Variants in PTPRO observed in about 807,000 individuals in gnomAD.
The protein encoded by PTPRO is protein tyrosine phosphatase receptor type O.
PTPRO carries 62 observed loss-of-function variants against 145.2 expected under a neutral mutation model. The ratio of observed to expected loss-of-function variants is 0.43; its 90% CI spans 0.35 to 0.53. PTPRO has a LOEUF of 0.53. Ranked by LOEUF, PTPRO falls within the 20% of genes least tolerant of loss-of-function variation. The pLI is 0.01. For missense variants in PTPRO, 1,345 were observed against 1,482.7 expected (o/e 0.91, Z 1.53); for synonymous variants, 565 against 514.7 (o/e 1.10, Z -1.32).
intron 1 of PTPRO, among the ~76,000 whole-genome samples, chr12:15,328,550 A>G (rs1342021996): frequency 6.6e-6 from 1 of 152,194 alleles, no homozygotes; most frequent in Non-Finnish European, 1.5e-5. Context: ...TATGCTTGGA[A>G]AAATATTTCA....
At chr12:15,366,683 G>C (rs1565589075) in intron 1 of PTPRO, among the ~76,000 whole-genome samples, 1 of 152,078 alleles carries the variant, frequency 6.6e-6, no homozygotes, top group Non-Finnish European at 1.5e-5. Flanking sequence ...AATACTTAGA[G>C]AAAAAATAAT....
chr12:15,549,025 T>A, intron 13 of PTPRO, 69 bp from the exon 14 acceptor site: 3 of 1,495,956 alleles, frequency 2.0e-6, no homozygotes, highest in Non-Finnish European at 2.8e-6. Flanking sequence ...CCAACTCAAC[T>A]ATGAAATATA....
chr12:15,330,206 A>G (rs1866567037), intron 1 of PTPRO, among the ~76,000 whole-genome samples: 1 of 152,232 alleles, frequency 6.6e-6, no homozygotes, highest in African/African-American at 2.4e-5. Flanking sequence ...GAATTAAACT[A>G]GTAGCAGGTT....
At chr12:15,566,882 T>G (rs1403157051) in intron 18 of PTPRO, among the ~76,000 whole-genome samples, 3 of 152,162 alleles carry the variant, frequency 2.0e-5, no homozygotes, top group Non-Finnish European at 4.4e-5. Flanking sequence ...GTAGGAGAGA[T>G]AAGACCAGAC....
intron 7 of PTPRO, among the ~76,000 whole-genome samples, chr12:15,514,350 C>T (rs942762437): frequency 1.3e-5 from 2 of 151,108 alleles, no homozygotes; most frequent in Non-Finnish European, 2.9e-5. Flanking sequence ...TACTCAGGAG[C>T]CTGAGGCAGG....
chr12:15,567,864 C>G (rs1361290892), intron 18 of PTPRO, among the ~76,000 whole-genome samples: 2 of 152,144 alleles, frequency 1.3e-5, no homozygotes. Context: ...AGCCGTGGCT[C>G]TCTCAGCTGG....
intron 1 of PTPRO, among the ~76,000 whole-genome samples, chr12:15,373,705 C>T (rs1938598176): frequency 6.6e-6 from 1 of 152,098 alleles, no homozygotes; most frequent in Admixed American, 6.6e-5. Context: ...TAGAAATTGA[C>T]AATGAACACT....
At chr12:15,336,090 G>A (rs1416017009) in intron 1 of PTPRO, among the ~76,000 whole-genome samples, 8 of 152,140 alleles carry the variant, frequency 5.3e-5, no homozygotes, top group Non-Finnish European at 1.2e-4. Context: ...ACTGACAGAT[G>A]TTCACAGCGG....
chr12:15,403,097 T>C (rs116710420), intron 1 of PTPRO, among the ~76,000 whole-genome samples: 3,301 of 152,300 alleles, frequency 0.022, 124 homozygotes, highest in African/African-American at 0.075. Flanking sequence ...CTGATTTGAC[T>C]TCACTAAGAA....
chr12:15,501,072 T>C (rs2136468752), intron 4 of PTPRO, among the ~76,000 whole-genome samples: 1 of 152,320 alleles, frequency 6.6e-6, no homozygotes, highest in African/African-American at 2.4e-5. Flanking sequence ...ATTTGTAAAC[T>C]CATTTTGAGT....
chr12:15,354,342 T>A (rs906525326), intron 1 of PTPRO, among the ~76,000 whole-genome samples: 5 of 152,206 alleles, frequency 3.3e-5, no homozygotes, highest in African/African-American at 1.2e-4. Flanking sequence ...TGTTTGTTCT[T>A]GCCTTAATTT....
chr12:15,512,506 C>T (rs1252147497), intron 7 of PTPRO, among the ~76,000 whole-genome samples: 1 of 152,134 alleles, frequency 6.6e-6, no homozygotes, highest in Non-Finnish European at 1.5e-5. Flanking sequence ...GAAGGCATAT[C>T]AAAATGTCAG....
At chr12:15,408,806 A>C (rs1388121137) in intron 1 of PTPRO, among the ~76,000 whole-genome samples, 2 of 152,166 alleles carry the variant, frequency 1.3e-5, no homozygotes. Flanking sequence ...TCCCATTTTA[A>C]AAGTGATATA....
At chr12:15,352,083 C>A (rs1937821797) in intron 1 of PTPRO, among the ~76,000 whole-genome samples, 1 of 152,186 alleles carries the variant, frequency 6.6e-6, no homozygotes, top group South Asian at 2.1e-4. Flanking sequence ...GAGGAAGCAC[C>A]TCATTATCTT....
intron 1 of PTPRO, among the ~76,000 whole-genome samples, chr12:15,339,262 G>A (rs1449824255): frequency 6.6e-6 from 1 of 152,094 alleles, no homozygotes; most frequent in East Asian, 1.9e-4. Context: ...GTAGAAACAC[G>A]AGAAAATGTA....
intron 2 of PTPRO, among the ~76,000 whole-genome samples, chr12:15,489,430 G>A (rs939227169): frequency 6.6e-6 from 1 of 152,186 alleles, no homozygotes; most frequent in African/African-American, 2.4e-5. Context: ...TTAACAAGGG[G>A]GTGGATTATT....
At chr12:15,552,853 G>C (rs924982425) in intron 15 of PTPRO, among the ~76,000 whole-genome samples, 2 of 136,392 alleles carry the variant, frequency 1.5e-5, no homozygotes, top group Non-Finnish European at 3.0e-5. Context: ...AGGCTGGAGT[G>C]CAATGGTGCC....
At chr12:15,500,333 C>A (rs1037736863) in intron 4 of PTPRO, among the ~76,000 whole-genome samples, 1 of 152,034 alleles carries the variant, frequency 6.6e-6, no homozygotes, top group Non-Finnish European at 1.5e-5. Context: ...TAGTCTAAGA[C>A]CAGGAAACTA....
chr12:15,499,096 T>G (rs1301225594), intron 3 of PTPRO, among the ~76,000 whole-genome samples: 1 of 152,206 alleles, frequency 6.6e-6, no homozygotes, highest in African/African-American at 2.4e-5. Context: ...GCAAAATACC[T>G]TGGATTTTTA....
Sources: allele counts gnomAD v4.1 joint callset (sites outside exome capture counted in the v4.1 genomes callset), GRCh38; gene constraint gnomAD v4.1.1; transcripts MANE v1.5; gene names NCBI Gene and HGNC (gene_info 2026-07-23, HGNC 2026-07-21).